Variants in CDKL5 observed in about 807,000 individuals in gnomAD.
CDKL5 encodes cyclin-dependent kinase-like 5.
A neutral mutation model predicts 61.7 loss-of-function variants in CDKL5; 8 were observed. The ratio of observed to expected loss-of-function variants is 0.13; its 90% CI spans 0.08 to 0.23. The LOEUF (loss-of-function observed/expected upper bound fraction) is 0.23. CDKL5 is among the 10% of genes least tolerant of loss of function. The pLI is 1.00. For missense variants in CDKL5, 440 were observed against 734.5 expected (o/e 0.60, Z 4.63); for synonymous variants, 275 against 272.3 (o/e 1.01, Z -0.10).
chrX:18,425,723 C>G (rs1931345233), intron 1 of CDKL5, 28 bp downstream of exon 1: 1 of 112,020 alleles, frequency 8.9e-6, no homozygotes, highest in South Asian at 3.7e-4. Flanking sequence ...CACCCGCCCG[C>G]CAAGCCTTCT....
chrX:18,640,427 T>TCCC (rs1300468144), downstream of CDKL5: 48 of 31,554 alleles, frequency 1.5e-3, no homozygotes, highest in Admixed American at 9.6e-3. Context: ...CAGGGATAAG[T>TCCC]CCCCCCACCC....
intron 1 of CDKL5, among the ~76,000 whole-genome samples, chrX:18,503,412 G>T (rs1922459557): frequency 8.9e-6 from 1 of 111,866 alleles, no homozygotes; most frequent in Admixed American, 9.5e-5. Context: ...TCGAACTCGT[G>T]AGCTCAAGCA....
chrX:18,633,529 T>C lies in CDKL5; in HGVS notation c.*4772T>C. The C allele has an allele frequency of 1.3e-6, 1 of 754,191 alleles. No homozygotes were observed. The highest frequency in any genetic ancestry group is 1.6e-6 in the Non-Finnish European group (1 of 639,070). 62.2% of individuals were successfully genotyped at this position (754,191 alleles called of 1,213,427 possible). ...TTCTTCCTTTTGCTTCTTGACCAGC[T>C]GAGATACAGAATATCTTGAGGTCTG... On this transcript the variant is annotated 3_prime_UTR_variant, in exon 18 of 18. Coordinates refer to ENST00000623535, the MANE Select transcript of CDKL5 (RefSeq NM_001323289.2).
chrX:18,453,005 A>AT (rs1447095716), intron 1 of CDKL5, among the ~76,000 whole-genome samples: 1 of 106,754 alleles, frequency 9.4e-6, no homozygotes, highest in Non-Finnish European at 1.9e-5. Flanking sequence ...TAATTTTTGT[A>AT]TTTTTTTGTA....
intron 1 of CDKL5, among the ~76,000 whole-genome samples, chrX:18,481,362 TTCTTTCTTTTGA>T (rs1417123832): frequency 4.0e-4 from 40 of 99,100 alleles, no homozygotes; most frequent in African/African-American, 1.5e-3. Context: ...CTTTCTTTCT[TTCTTTCTTTTGA>T]GGCAGGGCGT....
At chrX:18,541,235 C>T (rs977462336) in intron 3 of CDKL5, among the ~76,000 whole-genome samples, 3 of 111,625 alleles carry the variant, frequency 2.7e-5, no homozygotes, top group Non-Finnish European at 5.6e-5. Context: ...GGAACTTTTC[C>T]GTTGTGATTT....
At position 18,442,467 on chromosome X, in the gene CDKL5, TTTTTG is replaced by T. The variant is rs60114040; in HGVS notation, c.-163+16813_-163+16817del. ...GAGCCAACTGGTTGCTCTGTTGGTT[TTTTTG>T]TTTTGTTTTGTTTTGTTTTGTTTTG... On this transcript the variant is annotated intron_variant, in intron 1 of 17. Coordinates refer to ENST00000623535, the MANE Select transcript of CDKL5 (RefSeq NM_001323289.2). 0.045 allele frequency: 4,837 copies of T among 107,666 alleles called. 107 individuals carry two copies. The highest frequency in any genetic ancestry group is 0.068 in the Middle Eastern group (14 of 205). The allele number at this position is 107,666 out of a possible 1,213,427, so 8.9% of individuals were successfully genotyped here.
At chrX:18,479,079 C>T (rs977967428) in intron 1 of CDKL5, among the ~76,000 whole-genome samples, 4 of 111,376 alleles carry the variant, frequency 3.6e-5, no homozygotes, top group African/African-American at 6.5e-5. Flanking sequence ...TCTTGAACTC[C>T]TGGCCTGAAG....
At chrX:18,515,102 G>A (rs1922969992) in intron 3 of CDKL5, among the ~76,000 whole-genome samples, 1 of 112,379 alleles carries the variant, frequency 8.9e-6, no homozygotes, top group African/African-American at 3.2e-5. Context: ...GCCCAGCCTC[G>A]TGTGTCTGTT....
At chrX:18,504,641 T>G (rs942447769) in intron 1 of CDKL5, among the ~76,000 whole-genome samples, 1 of 111,737 alleles carries the variant, frequency 8.9e-6, no homozygotes, top group South Asian at 3.7e-4. Context: ...GTTAAAAGTT[T>G]CAGATTTTGG....
chrX:18,630,719 C>T lies in CDKL5; in HGVS notation c.*1962C>T, dbSNP rs1381091076. The T allele has an allele frequency of 8.0e-6, 6 of 746,032 alleles. No individual in the cohort carries two copies. Among genetic ancestry groups the T allele is most frequent in the South Asian group, 7.0e-5 (1 of 14,385 alleles). The allele number at this position is 746,032 out of a possible 1,213,427, so 61.5% of individuals were successfully genotyped here. A position where few individuals can be genotyped will look rare whatever the true frequency, so the allele number is the denominator to read the frequency against. ...GTGTAATAGGCACTAAAATGAAACT[C>T]GACTGGGTACTATTACTGAAAAAAT... On this transcript the variant is annotated 3_prime_UTR_variant, in exon 18 of 18. Transcript: ENST00000623535.
In CDKL5 at chrX:18,635,463, C is replaced by A. The variant is rs1927359428; in HGVS notation, c.*6706C>A. The A allele has an allele frequency of 2.7e-6, 2 of 752,551 alleles. No individual in the cohort carries two copies. The highest frequency in any genetic ancestry group is 1.4e-4 in the South Asian group (2 of 14,681). The allele number at this position is 752,551 out of a possible 1,213,427, so 62.0% of individuals were successfully genotyped here. ...TTCGTGTTTGAACTGCGAACAGCTC[C>A]ATTTTAGTTCCTTCTTGGGAAGAAA... On this transcript the variant is annotated 3_prime_UTR_variant, in exon 18 of 18. Transcript: ENST00000623535.
chrX:18,648,836 T>G (rs966301669), intron 20 of CDKL5, among the ~76,000 whole-genome samples: 2 of 110,295 alleles, frequency 1.8e-5, no homozygotes, highest in South Asian at 3.9e-4. Context: ...ATGCCTGTAA[T>G]CCCAGTGCTT....
intron 3 of CDKL5, among the ~76,000 whole-genome samples, chrX:18,526,198 A>G (rs1368553268): frequency 1.8e-5 from 2 of 112,554 alleles, no homozygotes; most frequent in Non-Finnish European, 3.8e-5. Flanking sequence ...TTGGGGTGCT[A>G]ATATAAATTG....
Position 18,638,124 on chromosome X carries a change from G to A in CDKL5, c.*9367G>A, listed in dbSNP as rs1243203231. On this transcript the variant is annotated 3_prime_UTR_variant, in exon 18 of 18. Coordinates refer to ENST00000623535, the MANE Select transcript of CDKL5 (RefSeq NM_001323289.2). ...ATCCATTCCAAGGGTCACTTTAGGG[G>A]TGCAATCTTCTGGGCTCTGAGAATG... 9.0e-6 allele frequency: 1 copy of A among 111,376 alleles called. No individual in the cohort carries two copies. The highest frequency in any genetic ancestry group is 9.5e-5 in the Admixed American group (1 of 10,485). 9.2% of individuals were successfully genotyped at this position (111,376 alleles called of 1,213,427 possible). A position where few individuals can be genotyped will look rare whatever the true frequency, so the allele number is the denominator to read the frequency against.
At chrX:18,459,603 TTATA>T in intron 1 of CDKL5, among the ~76,000 whole-genome samples, 1 of 109,322 alleles carries the variant, frequency 9.1e-6, no homozygotes, top group Middle Eastern at 4.7e-3. Flanking sequence ...ACTGGGTAAT[TTATA>T]AAGAAAAGAG....
At position 18,630,793 on chromosome X, in the gene CDKL5, T is replaced by G; in HGVS notation, c.*2036T>G. On this transcript the variant is annotated 3_prime_UTR_variant, in exon 18 of 18. Transcript: ENST00000623535. ...ATGCTCTTTAGTTCTTTTTCTGTCT[T>G]ACTTCTTTCACCAGTTCAGTACTGT... is the stretch of plus-strand genomic sequence containing the variant. The G allele has an allele frequency of 6.6e-6, 5 of 752,703 alleles. No homozygotes were observed. Among genetic ancestry groups the G allele is most frequent in the Non-Finnish European group, 7.8e-6 (5 of 638,982 alleles). 62.0% of individuals were successfully genotyped at this position (752,703 alleles called of 1,213,427 possible). A position where few individuals can be genotyped will look rare whatever the true frequency, so the allele number is the denominator to read the frequency against.
chrX:18,626,959 A>C (rs1927083491), intron 17 of CDKL5: 1 of 109,442 alleles, frequency 9.1e-6, no homozygotes, highest in Admixed American at 9.7e-5. Flanking sequence ...CTTGTTGCCC[A>C]GGCTAGAAGC....
At chrX:18,609,636 C>T in intron 14 of CDKL5, 66 bp downstream of exon 14, 4 of 1,191,189 alleles carry the variant, frequency 3.4e-6, no homozygotes, top group Non-Finnish European at 3.4e-6. Context: ...GTGCACACTG[C>T]TTTCACCGAC....
Sources: gnomAD v4.1 joint callset for allele counts (sites outside exome capture counted in the v4.1 genomes callset) on GRCh38, gnomAD v4.1.1 for gene constraint, MANE v1.5 for transcripts, NCBI Gene and HGNC (gene_info 2026-07-23, HGNC 2026-07-21) for gene names.